The following COL9A2 variants were observed in gnomAD, a reference collection of about 807,000 sequenced individuals.
COL9A2 encodes the protein collagen alpha-2(IX) chain.
In COL9A2, 66 loss-of-function variants were observed where a neutral mutation model predicts 111.6. That is an observed-to-expected ratio of 0.59 (90% CI 0.48 to 0.73). COL9A2 has a LOEUF of 0.73. Ranked by LOEUF, COL9A2 falls within the 30% of genes least tolerant of loss-of-function variation. COL9A2 has a pLI of 0.00. For synonymous variants in COL9A2, 353 were observed against 364.1 expected (o/e 0.97, Z 0.35); for missense variants, 881 against 954.1 (o/e 0.92, Z 1.01).
rs77529906 is a variant in COL9A2 at position 40,304,581 on chromosome 1, C to A, written c.1162-52G>T. The A allele has an allele frequency of 4.0e-4, 636 of 1,605,154 alleles. 3 individuals are homozygous for A. The African/African-American group carries it at 7.6e-3, about 19-fold the overall frequency. On this transcript the variant is annotated intron_variant, in intron 22 of 31. Transcript: ENST00000372748. ...CTCAGCAGCTCTCAGCAGGGGTAGC[C>A]TCCCGCACCGAGGCCTGGCACCGCA...
In COL9A2 at chr1:40,302,986, G is replaced by T; in HGVS notation, c.1603+145C>A. The T allele has an allele frequency of 9.2e-7, 1 of 1,086,374 alleles. No individual in the cohort carries two copies. Among genetic ancestry groups the T allele is most frequent in the Non-Finnish European group, 1.4e-6 (1 of 735,446 alleles). 67.3% of individuals were successfully genotyped at this position (1,086,374 alleles called of 1,614,324 possible). On this transcript the variant is annotated intron_variant, in intron 29 of 31. Transcript: ENST00000372748. This position sits in a 1 kb window ranked among gnomAD's most constrained non-coding sequence, Gnocchi z 4.5. ...AAAGGCCCAGAGTGACTTATTCAAGGTCCCAAAACCCTTCAGAGACTGGAC... is the reference window on the plus strand; with the variant it reads ...AAAGGCCCAGAGTGACTTATTCAAGTTCCCAAAACCCTTCAGAGACTGGAC...
rs375071616 is a variant in COL9A2 at position 40,303,085 on chromosome 1, G to C, written c.1603+46C>G. 3 of 1,586,330 alleles carry C rather than the reference G, an allele frequency of 1.9e-6. No individual in the cohort carries two copies. Among genetic ancestry groups the C allele is most frequent in the South Asian group, 1.1e-5 (1 of 88,054 alleles). ...AGGCTCCGGGAGGGGGTGAGGGGGC[G>C]GCGATGCCCTCGAACTGACTGTGAG... On this transcript the variant is annotated intron_variant, in intron 29 of 31. Coordinates refer to ENST00000372748, the MANE Select transcript of COL9A2 (RefSeq NM_001852.4). The surrounding 1 kb of genome is among the most constrained non-coding windows in gnomAD (Gnocchi z 4.6).
intron 16 of COL9A2, among the ~76,000 whole-genome samples, chr1:40,309,648 T>TCACA (rs1215720860): frequency 2.0e-5 from 3 of 151,270 alleles, no homozygotes; most frequent in African/African-American, 7.3e-5. Context: ...ACACACTCAC[T>TCACA]CACACACACA....
At position 40,316,799 on chromosome 1, in the gene COL9A2, T is replaced by G; in HGVS notation, c.75+324A>C. On this transcript the variant is annotated intron_variant, in intron 1 of 31. Transcript: ENST00000372748. This position sits in a 1 kb window ranked among gnomAD's most constrained non-coding sequence, Gnocchi z 5.5. ...GGGCGGAGGCTGCGCAGCGGGTGAA[T>G]GAGCACCATTGTATGCCCCGCCACC... 1 of 434,402 alleles carries G rather than the reference T, an allele frequency of 2.3e-6. No individual in the cohort carries two copies. The highest frequency in any genetic ancestry group is 4.2e-6 in the Non-Finnish European group (1 of 238,700). The allele number at this position is 434,402 out of a possible 1,614,324, so 26.9% of individuals were successfully genotyped here. A position where few individuals can be genotyped will look rare whatever the true frequency, so the allele number is the denominator to read the frequency against.
In COL9A2 at chr1:40,301,028, T is replaced by G; in HGVS notation, c.*154A>C. The G allele has an allele frequency of 3.0e-5, 22 of 738,106 alleles. No individual in the cohort carries two copies. Among genetic ancestry groups the G allele is most frequent in the Non-Finnish European group, 4.3e-5 (19 of 441,740 alleles). The allele number at this position is 738,106 out of a possible 1,614,324, so 45.7% of individuals were successfully genotyped here. A position where few individuals can be genotyped will look rare whatever the true frequency, so the allele number is the denominator to read the frequency against. ...CAGTGCTCTACCTCCCCTTCCCCCATGTTTTAGAATTCCTTTTCCTTAGGA... is the reference window on the plus strand; with the variant it reads ...CAGTGCTCTACCTCCCCTTCCCCCAGGTTTTAGAATTCCTTTTCCTTAGGA... On this transcript the variant is annotated 3_prime_UTR_variant, in exon 32 of 32. Coordinates refer to ENST00000372748, the MANE Select transcript of COL9A2 (RefSeq NM_001852.4).
At chr1:40,315,339 G>A (rs1473477226) in intron 2 of COL9A2, 1 of 1,343,532 alleles carries the variant, frequency 7.4e-7, no homozygotes, top group Non-Finnish European at 9.6e-7. Flanking sequence ...GCCTCGCTGT[G>A]AGCTGCGGCC....
intron 17 of COL9A2, 60 bp downstream of exon 17, chr1:40,308,132 T>C (rs902185259): frequency 4.5e-6 from 7 of 1,546,786 alleles, no homozygotes; most frequent in Non-Finnish European, 5.4e-6. Context: ...TTCTGGGGGT[T>C]TGGACAAAGC....
Position 40,305,634 on chromosome 1 carries a change from G to A in COL9A2, c.1107+81C>T, listed in dbSNP as rs960768170. ...GGTCAGGGCAGAGCCAGACTAACTCGGAGCTCTCCCTAGGTTAGGGCTCCA... is the reference window on the plus strand; with the variant it reads ...GGTCAGGGCAGAGCCAGACTAACTCAGAGCTCTCCCTAGGTTAGGGCTCCA... On this transcript the variant is annotated intron_variant, in intron 21 of 31. Transcript: ENST00000372748. The A allele has an allele frequency of 1.4e-5, 19 of 1,312,494 alleles. No homozygotes were observed. The Admixed American group carries it at 2.2e-4, about 15-fold the overall frequency. 81.3% of individuals were successfully genotyped at this position (1,312,494 alleles called of 1,614,324 possible).
rs1003834305 is a variant in COL9A2 at position 40,316,601 on chromosome 1, C to A, written c.75+522G>T. The A allele has an allele frequency of 2.2e-6, 1 of 455,166 alleles. No individual in the cohort carries two copies. Among genetic ancestry groups the A allele is most frequent in the Non-Finnish European group, 4.4e-6 (1 of 226,154 alleles). 28.2% of individuals were successfully genotyped at this position (455,166 alleles called of 1,614,324 possible). The stretch of plus-strand genomic sequence containing the variant: ...AAGTGCCAGGCTGGCGCCCCGCAGG[C>A]GAGCTCGAAACCACACCCAGCACCC... On this transcript the variant is annotated intron_variant, in intron 1 of 31. Coordinates refer to ENST00000372748, the MANE Select transcript of COL9A2 (RefSeq NM_001852.4). This position sits in a 1 kb window ranked among gnomAD's most constrained non-coding sequence, Gnocchi z 5.5.
In COL9A2 at chr1:40,311,422, C is replaced by G. The variant is rs545619399; in HGVS notation, c.519+78G>C. 1.3e-5 allele frequency: 20 copies of G among 1,588,822 alleles called. No homozygotes were observed. Among genetic ancestry groups the G allele is most frequent in the Non-Finnish European group, 1.5e-5 (18 of 1,163,382 alleles). On this transcript the variant is annotated intron_variant, in intron 10 of 31. Transcript: ENST00000372748. The surrounding 1 kb of genome is among the most constrained non-coding windows in gnomAD (Gnocchi z 5.1). ...CCCCTCCCCATCTCTCCAGACACCC[C>G]CATCTCCGTGGCCCCGCCTCCCCAT...
At chr1:40,306,284 C>A in intron 19 of COL9A2, 97 bp from the exon 20 acceptor site, 1 of 1,352,402 alleles carries the variant, frequency 7.4e-7, no homozygotes, top group Non-Finnish European at 1.1e-6. Context: ...TTTCCCCCAC[C>A]TGTGGGAGCT....
At chr1:40,315,331 C>T (rs1644200569) in intron 2 of COL9A2, 1 of 1,334,462 alleles carries the variant, frequency 7.5e-7, no homozygotes, top group Non-Finnish European at 9.6e-7. Flanking sequence ...GGGATGAGGC[C>T]TCGCTGTGAG....
At chr1:40,304,235 G>A in intron 24 of COL9A2, 85 bp downstream of exon 24, 7 of 1,526,368 alleles carry the variant, frequency 4.6e-6, no homozygotes, top group Non-Finnish European at 6.2e-6. Context: ...AGGTTTGGAG[G>A]CTCCGGAAGG....
chr1:40,300,539 A>C lies in COL9A2; in HGVS notation c.*643T>G, dbSNP rs973947929. Reference sequence around the variant, plus strand: ...ACTCCAATATCCTGGTTTGTACCCAACTTGGGAGCTTTTATTTACAGAAAG... The same window carrying C: ...ACTCCAATATCCTGGTTTGTACCCACCTTGGGAGCTTTTATTTACAGAAAG... On this transcript the variant is annotated 3_prime_UTR_variant, in exon 32 of 32. Coordinates refer to ENST00000372748, the MANE Select transcript of COL9A2 (RefSeq NM_001852.4). The surrounding 1 kb of genome is among the most constrained non-coding windows in gnomAD (Gnocchi z 4.4). 2.0e-5 allele frequency: 3 copies of C among 152,448 alleles called. No homozygotes were observed. Among genetic ancestry groups the C allele is most frequent in the Non-Finnish European group, 4.4e-5 (3 of 68,238 alleles). The allele number at this position is 152,448 out of a possible 1,614,324, so 9.4% of individuals were successfully genotyped here. A position where few individuals can be genotyped will look rare whatever the true frequency, so the allele number is the denominator to read the frequency against.
chr1:40,304,093 G>A lies in COL9A2; in HGVS notation c.1294C>T (p.Pro432Ser), dbSNP rs964741704. 3.2e-6 allele frequency: 5 copies of A among 1,565,212 alleles called. No homozygotes were observed. Among genetic ancestry groups the A allele is most frequent in the Non-Finnish European group, 3.5e-6 (4 of 1,156,638 alleles). The stretch of plus-strand genomic sequence containing the variant: ...TTGCCGCGGGGCCCGGTCTTCCCTG[G>A]GGAGCCCTGGAGAAAGCGGGCAGTG... The part of the protein sequence containing the change: ...LPGVKGDKGS[P>S]GKTGPRGKVG... Residue 432 changes from proline to serine, a missense_variant, in exon 25 of 32, where the codon CCA becomes TCA. Physicochemically the swap from Pro to Ser is moderately conservative, Grantham distance 74. Coordinates refer to ENST00000372748, the MANE Select transcript of COL9A2 (RefSeq NM_001852.4).
chr1:40,301,250 C>T lies in COL9A2; in HGVS notation c.2002G>A (p.Ala668Thr), dbSNP rs569464393. ...VGLPGFCEPA[A>T]CLGASAYASA... ...GCATAGGCCGAAGCTCCAAGGCAGG[C>T]GGCAGGTTCACAGAAGCCCGGCAGC... Residue 668 changes from alanine to threonine, a missense_variant, in exon 32 of 32, where the codon GCC (alanine) becomes ACC (threonine). By Grantham distance (58) the Ala-to-Thr change is moderately conservative (BLOSUM62 0). Transcript: ENST00000372748. The T allele has an allele frequency of 1.3e-5, 21 of 1,614,166 alleles. No homozygotes were observed. The highest frequency in any genetic ancestry group is 5.5e-5 in the South Asian group (5 of 91,082).
Position 40,303,532 on chromosome 1 carries a change from C to G in COL9A2, c.1546G>C (p.Glu516Gln). 1 of 1,612,812 alleles carries G rather than the reference C, an allele frequency of 6.2e-7. No homozygotes were observed. Among genetic ancestry groups the G allele is most frequent in the Non-Finnish European group, 8.5e-7 (1 of 1,179,820 alleles). Residue 516 changes from glutamate to glutamine, a missense_variant and splice_region_variant, in exon 28 of 32, where the codon GAG becomes CAG. Physicochemically the swap from Glu to Gln is conservative, Grantham distance 29. Transcript: ENST00000372748. The surrounding 1 kb of genome is among the most constrained non-coding windows in gnomAD (Gnocchi z 4.6). Reference protein sequence around the residue: ...VPGQPGRQGVEGRDATDQHIV... With the variant: ...VPGQPGRQGVQGRDATDQHIV... The stretch of plus-strand genomic sequence containing the variant: ...TCCTACCCCGGGGCCCGACTCACCT[C>G]CACGCCCTGTCTCCCGGGCTGTCCT...
In COL9A2 at chr1:40,303,036, A is replaced by T; in HGVS notation, c.1603+95T>A. Reference sequence around the variant, plus strand: ...CTGGAAGGAGCCCCCAGGACTCCAGATTTTCAGACAAGTGAACACGTGGAG... The same window carrying T: ...CTGGAAGGAGCCCCCAGGACTCCAGTTTTTCAGACAAGTGAACACGTGGAG... On this transcript the variant is annotated intron_variant, in intron 29 of 31. Transcript: ENST00000372748. This position sits in a 1 kb window ranked among gnomAD's most constrained non-coding sequence, Gnocchi z 4.6. The T allele has an allele frequency of 7.3e-7, 1 of 1,372,946 alleles. No homozygotes were observed. The highest frequency in any genetic ancestry group is 1.4e-5 in the African/African-American group (1 of 69,914). 85.0% of individuals were successfully genotyped at this position (1,372,946 alleles called of 1,614,324 possible).
Position 40,307,362 on chromosome 1 carries a change from A to G in COL9A2, c.1008+84T>C. On this transcript the variant is annotated intron_variant, in intron 19 of 31. Coordinates refer to ENST00000372748, the MANE Select transcript of COL9A2 (RefSeq NM_001852.4). This position sits in a 1 kb window ranked among gnomAD's most constrained non-coding sequence, Gnocchi z 4.8. ...GTAACAAGGCAAGAGGTGGTGATTG[A>G]GCAAGAGCCCCGGGTGTGTGTGGAT... The G allele has an allele frequency of 7.4e-7, 1 of 1,352,998 alleles. No homozygotes were observed. Among genetic ancestry groups the G allele is most frequent in the South Asian group, 1.2e-5 (1 of 81,434 alleles). 83.8% of individuals were successfully genotyped at this position (1,352,998 alleles called of 1,614,324 possible).
Sources: gnomAD v4.1 joint callset for allele counts (sites outside exome capture counted in the v4.1 genomes callset) on GRCh38, gnomAD v4.1.1 for gene constraint, Gnocchi (gnomAD v3.1) non-coding constraint, MANE v1.5 for transcripts, NCBI Gene and HGNC (gene_info 2026-07-23, HGNC 2026-07-21) for gene names.